The following MPRIP variants were observed in gnomAD, a reference collection of about 807,000 sequenced individuals.
MPRIP encodes the protein myosin phosphatase Rho-interacting protein.
In MPRIP, 59 loss-of-function variants were observed where a neutral mutation model predicts 234.9. That is an observed-to-expected ratio of 0.25 (90% CI 0.20 to 0.31). The LOEUF is 0.31. MPRIP is among the 10% of genes least tolerant of loss of function. The pLI, the probability that MPRIP is intolerant of heterozygous loss-of-function variation, is 1.00. For synonymous variants in MPRIP, 1,144 were observed against 1,263.9 expected, an observed-to-expected ratio of 0.91 and a Z score of 2.01; for missense variants, 2,436 against 3,071.0, an observed-to-expected ratio of 0.79 and a Z score of 4.89.
At chr17:17,044,853 C>T (rs745800393) in intron 1 of MPRIP, among the ~76,000 whole-genome samples, 2 of 152,116 alleles carry the variant, frequency 1.3e-5, no homozygotes, top group Admixed American at 6.5e-5. Context: ...AGGCCTGAGA[C>T]CTTCAGGGCA....
At chr17:17,062,117 C>T (rs2088885714) in intron 1 of MPRIP, among the ~76,000 whole-genome samples, 3 of 152,250 alleles carry the variant, frequency 2.0e-5, no homozygotes, top group Middle Eastern at 6.8e-3. Flanking sequence ...TTGGCCTTCT[C>T]GTTCCCAGGC....
chr17:17,172,019 A>C (rs2046148309), intron 17 of MPRIP, among the ~76,000 whole-genome samples, 154 bp downstream of exon 17: 1 of 152,236 alleles, frequency 6.6e-6, no homozygotes, highest in Non-Finnish European at 1.5e-5. Context: ...CTCTGAGGCA[A>C]AGGCCAATTT....
At chr17:17,104,371 C>A (rs896259762) in intron 3 of MPRIP, among the ~76,000 whole-genome samples, 1 of 152,178 alleles carries the variant, frequency 6.6e-6, no homozygotes, top group Admixed American at 6.5e-5. Context: ...TGGCCATGAG[C>A]GAGTTTTTGG....
chr17:17,082,286 T>TA (rs1491196601), intron 3 of MPRIP, among the ~76,000 whole-genome samples: 1 of 16,952 alleles, frequency 5.9e-5, no homozygotes, highest in African/African-American at 1.6e-4. Flanking sequence ...CTTTTTCCAA[T>TA]TTTTTTTTTT....
intron 1 of MPRIP, chr17:17,057,706 G>A (rs1178331479): frequency 1.4e-6 from 1 of 717,904 alleles, no homozygotes; most frequent in Non-Finnish European, 2.6e-6. Flanking sequence ...TCATGTTGAA[G>A]GACAGGAAGA....
chr17:17,140,339 C>G (rs2090786811), intron 7 of MPRIP, among the ~76,000 whole-genome samples: 1 of 152,202 alleles, frequency 6.6e-6, no homozygotes, highest in Non-Finnish European at 1.5e-5. Flanking sequence ...GGGCTTTGTA[C>G]TCTGCATGCA....
At chr17:17,066,072 C>T (rs936511257) in intron 1 of MPRIP, among the ~76,000 whole-genome samples, 9 of 152,178 alleles carry the variant, frequency 5.9e-5, no homozygotes, top group African/African-American at 2.2e-4. Context: ...ATACAGACAG[C>T]TATGTCATCT....
intron 3 of MPRIP, among the ~76,000 whole-genome samples, chr17:17,100,743 C>A (rs1191575157): frequency 1.3e-5 from 2 of 151,882 alleles, no homozygotes; most frequent in Non-Finnish European, 2.9e-5. Flanking sequence ...GCTCAGGGCT[C>A]CCACTGATTG....
At chr17:17,095,801 T>C (rs981786898) in intron 3 of MPRIP, among the ~76,000 whole-genome samples, 4 of 152,178 alleles carry the variant, frequency 2.6e-5, no homozygotes, top group Admixed American at 1.3e-4. Flanking sequence ...TGGAGTCCCC[T>C]CTGCCCCCAG....
At chr17:17,172,622 TG>T in intron 17 of MPRIP, 75 bp from the exon 18 acceptor site, 1 of 1,172,294 alleles carries the variant, frequency 8.5e-7, no homozygotes, top group Non-Finnish European at 1.2e-6. Context: ...TCCCATTGTG[TG>T]GAGCTCCCCA....
At chr17:17,144,812 C>T (rs544744710) in intron 9 of MPRIP, among the ~76,000 whole-genome samples, 2 of 152,262 alleles carry the variant, frequency 1.3e-5, no homozygotes, top group South Asian at 2.1e-4. Context: ...GCTGAGATCG[C>T]GCCACTGCAC....
chr17:17,082,121 G>T (rs988282481), intron 3 of MPRIP, among the ~76,000 whole-genome samples: 1 of 152,082 alleles, frequency 6.6e-6, no homozygotes, highest in Admixed American at 6.5e-5. Context: ...GAGCTGAGGT[G>T]TGGATGTCAC....
Position 17,184,981 on chromosome 17 carries a change from A to G in MPRIP, c.*87A>G. The G allele has an allele frequency of 1.5e-6, 1 of 652,348 alleles. No individual in the cohort carries two copies. Among genetic ancestry groups the G allele is most frequent in the Non-Finnish European group, 2.7e-6 (1 of 373,326 alleles). 40.4% of individuals were successfully genotyped at this position (652,348 alleles called of 1,614,324 possible). A position where few individuals can be genotyped will look rare whatever the true frequency, so the allele number is the denominator to read the frequency against. On this transcript the variant is annotated 3_prime_UTR_variant, in exon 24 of 24. Coordinates refer to ENST00000651222, the MANE Select transcript of MPRIP (RefSeq NM_001364716.4). ...TGCTTTTCACCTGTACCTTTGTTTT[A>G]TTATTATTATTATTATTGCTGTTGT...
intron 1 of MPRIP, among the ~76,000 whole-genome samples, chr17:17,073,909 G>C (rs2089263855): frequency 6.6e-6 from 1 of 152,174 alleles, no homozygotes; most frequent in Non-Finnish European, 1.5e-5. Flanking sequence ...AGCAAAGCAA[G>C]CCTCTCCTGT....
intron 1 of MPRIP, among the ~76,000 whole-genome samples, chr17:17,053,632 G>A (rs1239235416): frequency 3.9e-5 from 6 of 152,218 alleles, no homozygotes; most frequent in South Asian, 2.1e-4. Flanking sequence ...GGAGCACCAG[G>A]TCCCCATCCC....
chr17:17,121,477 G>A (rs751148022), intron 3 of MPRIP, among the ~76,000 whole-genome samples: 2 of 126,218 alleles, frequency 1.6e-5, no homozygotes, highest in African/African-American at 2.6e-5. Flanking sequence ...TAGTGTGTTC[G>A]GAATGTTCAG....
At chr17:17,136,840 A>G (rs1178809812) in intron 6 of MPRIP, among the ~76,000 whole-genome samples, 1 of 151,936 alleles carries the variant, frequency 6.6e-6, no homozygotes, top group Non-Finnish European at 1.5e-5. Flanking sequence ...CCCTCTCACC[A>G]TCCGCATTCT....
chr17:17,149,504 A>AC (rs1486061810), intron 11 of MPRIP, among the ~76,000 whole-genome samples: 2 of 152,018 alleles, frequency 1.3e-5, no homozygotes, highest in Non-Finnish European at 2.9e-5. Flanking sequence ...AAAAAAAAAA[A>AC]AACTTCCGTA....
chr17:17,114,320 T>G (rs1443477502), intron 3 of MPRIP, among the ~76,000 whole-genome samples: 1 of 152,138 alleles, frequency 6.6e-6, no homozygotes, highest in Non-Finnish European at 1.5e-5. Flanking sequence ...ACTAATACTT[T>G]GTCAGATATA....
Sources: gnomAD v4.1 joint callset for allele counts (sites outside exome capture counted in the v4.1 genomes callset) on GRCh38, gnomAD v4.1.1 for gene constraint, MANE v1.5 for transcripts, NCBI Gene and HGNC (gene_info 2026-07-23, HGNC 2026-07-21) for gene names.